Variants in SYNE1 observed in about 807,000 individuals in gnomAD.
SYNE1 encodes the protein nesprin-1.
In SYNE1, 616 loss-of-function variants were observed where a neutral mutation model predicts 1,111.0. That is an observed-to-expected ratio of 0.55 (90% CI 0.52 to 0.59). SYNE1 has a LOEUF of 0.59. Ranked by LOEUF, SYNE1 falls within the 20% of genes least tolerant of loss-of-function variation. SYNE1 has a pLI of 0.00. For synonymous variants in SYNE1, 3,855 were observed against 3,825.8 expected (o/e 1.01, Z -0.28); for missense variants, 10,006 against 10,417.0 (o/e 0.96, Z 1.72).
chr6:152,461,743 G>A lies in SYNE1; in HGVS notation c.2251-3C>T. Reference sequence around the variant, plus strand: ...ACAGGCACCCTCTGCTCAATATCCTGCATGAATCATTGAAACAGCCAGATT... The same window carrying A: ...ACAGGCACCCTCTGCTCAATATCCTACATGAATCATTGAAACAGCCAGATT... On this transcript the variant is annotated splice_region_variant and splice_polypyrimidine_tract_variant and intron_variant, in intron 20 of 145. Coordinates refer to ENST00000367255, the MANE Select transcript of SYNE1 (RefSeq NM_182961.4). 1 of 1,613,786 alleles carries A rather than the reference G, an allele frequency of 6.2e-7. No homozygotes were observed. Among genetic ancestry groups the A allele is most frequent in the East Asian group, 2.2e-5 (1 of 44,870 alleles).
chr6:152,418,552 T>A (rs1008861949), intron 40 of SYNE1, among the ~76,000 whole-genome samples: 1 of 152,358 alleles, frequency 6.6e-6, no homozygotes, highest in East Asian at 1.9e-4. Flanking sequence ...AATATCGGAA[T>A]TTTTGAATGT....
At chr6:152,465,760 AACACATAC>A (rs923336124) in intron 17 of SYNE1, among the ~76,000 whole-genome samples, 45 of 133,312 alleles carry the variant, frequency 3.4e-4, no homozygotes, top group Middle Eastern at 3.8e-3. Flanking sequence ...CTCTTAGAAG[AACACATAC>A]ACACACACAC....
At chr6:152,256,596 T>C in intron 102 of SYNE1, 38 bp downstream of exon 102, 2 of 1,612,108 alleles carry the variant, frequency 1.2e-6, no homozygotes, top group African/African-American at 1.3e-5. Context: ...ACAAGACTCT[T>C]ATAAACCAAG....
At chr6:152,166,066 G>A (rs778197237) in intron 130 of SYNE1, among the ~76,000 whole-genome samples, 8 of 152,152 alleles carry the variant, frequency 5.3e-5, no homozygotes, top group South Asian at 4.1e-4. Context: ...TTCAGATTTC[G>A]TAGGATCTGA....
At position 152,236,924 on chromosome 6, in the gene SYNE1, G is replaced by T. The variant is rs1177569963; in HGVS notation, c.20092C>A (p.Gln6698Lys). The change falls in exon 109 of 146, where the codon CAG becomes AAG. Residue 6698 changes from glutamine (Q) to lysine (K), a missense_variant. Around this residue, in one of 7 missense-constraint regions of SYNE1, gnomAD observed 2,182 missense variants for 2,287.8 expected, o/e 0.95. Coordinates refer to ENST00000367255, the MANE Select transcript of SYNE1 (RefSeq NM_182961.4). ...LETWSHLDED[Q>K]QELSRQLEVV... ...TCCAGCTGTCTGCTGAGCTCCTGCT[G>T]GTCCTCATCCAGATGGGACCACGTC... The T allele has an allele frequency of 3.1e-6, 5 of 1,614,056 alleles. No homozygotes were observed. The highest frequency in any genetic ancestry group is 3.4e-6 in the Non-Finnish European group (4 of 1,180,002).
intron 91 of SYNE1, 91 bp downstream of exon 91, chr6:152,308,398 G>A (rs761393141): frequency 6.8e-5 from 107 of 1,579,262 alleles, no homozygotes; most frequent in Admixed American, 8.4e-5. Flanking sequence ...CAGGACAGGG[G>A]AAACTGTTCT....
At position 152,549,341 on chromosome 6, in the gene SYNE1, C is replaced by T. The variant is rs542338196; in HGVS notation, c.68-9320G>A. On this transcript the variant is annotated intron_variant, in intron 3 of 145. Transcript: ENST00000367255. ...TATTTAACTGAACTAACCAGCAAAT[C>T]CACATACTGTGAGAAAGCATGAATT... 3.3e-5 allele frequency among the ~76,000 whole-genome samples: 5 copies of T among 152,336 alleles called. No individual in the cohort carries two copies. The South Asian group carries it at 1.0e-3, about 32-fold the overall frequency.
intron 5 of SYNE1, among the ~76,000 whole-genome samples, chr6:152,524,403 A>T (rs1450787394): frequency 6.6e-6 from 1 of 152,154 alleles, no homozygotes; most frequent in East Asian, 1.9e-4. Flanking sequence ...AACTTCTTGA[A>T]TACCTACATG....
At chr6:152,354,572 G>A in intron 67 of SYNE1, 87 bp downstream of exon 67, 2 of 1,540,618 alleles carry the variant, frequency 1.3e-6, no homozygotes, top group Admixed American at 1.7e-5. Context: ...CTAAGCTTTG[G>A]ATAAAAGTTA....
At chr6:152,423,518 T>C (rs1004084924) in intron 39 of SYNE1, among the ~76,000 whole-genome samples, 6 of 152,182 alleles carry the variant, frequency 3.9e-5, no homozygotes, top group African/African-American at 1.4e-4. Context: ...GGTCTAAACC[T>C]CTTCAGTTCT....
chr6:152,589,225 C>T (rs1583007130), intron 3 of SYNE1, among the ~76,000 whole-genome samples: 1 of 152,070 alleles, frequency 6.6e-6, no homozygotes, highest in Non-Finnish European at 1.5e-5. Flanking sequence ...TATTCTAATC[C>T]TTCCTTTTAG....
intron 112 of SYNE1, 26 bp downstream of exon 112, chr6:152,233,755 T>C: frequency 6.2e-7 from 1 of 1,613,980 alleles, no homozygotes; most frequent in Non-Finnish European, 8.5e-7. Context: ...GTCAGCTATT[T>C]CCCACGAAAG....
chr6:152,244,465 A>C (rs1385942920), intron 106 of SYNE1, 72 bp downstream of exon 106: 3 of 1,610,910 alleles, frequency 1.9e-6, no homozygotes, highest in Admixed American at 3.3e-5. Flanking sequence ...GCCAAGAAAA[A>C]TAAAGTGATT....
At position 152,387,099 on chromosome 6, in the gene SYNE1, C is replaced by T; in HGVS notation, c.8460G>A (p.Gln2820=). The change falls in exon 54 of 146, where the codon CAG becomes CAA. Residue 2820 remains glutamine (Q), a synonymous_variant. Coordinates refer to ENST00000367255, the MANE Select transcript of SYNE1 (RefSeq NM_182961.4). Reference sequence around the variant, plus strand: ...TGGCAACAGTCATTATATCATTAAACTGTGTTTTCAGCTCCTCTTGAGCTG... The same window carrying T: ...TGGCAACAGTCATTATATCATTAAATTGTGTTTTCAGCTCCTCTTGAGCTG... The part of the protein sequence containing the change: ...KDTAQEELKT[Q]FNDIMTVAKE... 1 of 1,614,050 alleles carries T rather than the reference C, an allele frequency of 6.2e-7. No individual in the cohort carries two copies. The highest frequency in any genetic ancestry group is 1.1e-5 in the South Asian group (1 of 91,074).
chr6:152,329,990 A>G lies in SYNE1; in HGVS notation c.14695T>C (p.Trp4899Arg), dbSNP rs753891807. 1.9e-6 allele frequency: 3 copies of G among 1,614,200 alleles called. No homozygotes were observed. Among genetic ancestry groups the G allele is most frequent in the Non-Finnish European group, 2.5e-6 (3 of 1,180,050 alleles). ...AGCTCTGCCTTCACTCTCCTCAGCC[A>G]GTCCAGGGAGCGACTCATCTCAGTC... Reference protein sequence around the residue: ...FQTEMSRSLDWLRRVKAELSG... With the variant: ...FQTEMSRSLDRLRRVKAELSG... Residue 4899 changes from tryptophan to arginine, a missense_variant, in exon 78 of 146, where the codon TGG becomes CGG. Physicochemically the swap from Trp to Arg is moderately radical, Grantham distance 101. This residue lies in a region of SYNE1 where 4,955 missense variants were observed against 5,017.2 expected (regional missense o/e 0.99). Transcript: ENST00000367255.
intron 73 of SYNE1, 36 bp from the exon 74 acceptor site, chr6:152,344,263 T>G (rs773519615): frequency 6.2e-7 from 1 of 1,613,836 alleles, no homozygotes; most frequent in Non-Finnish European, 8.5e-7. Flanking sequence ...TTATGAGAAC[T>G]GCTTTCTACC....
chr6:152,171,771 A>G (rs1392050247), intron 130 of SYNE1, among the ~76,000 whole-genome samples: 3 of 152,172 alleles, frequency 2.0e-5, no homozygotes, highest in South Asian at 4.1e-4. Context: ...CTGTTTTGGT[A>G]AACAAAATTT....
Position 152,213,778 on chromosome 6 carries a change from A to G in SYNE1, c.22347-19T>C. On this transcript the variant is annotated intron_variant, in intron 122 of 145. Coordinates refer to ENST00000367255, the MANE Select transcript of SYNE1 (RefSeq NM_182961.4). ...CAACTTGCTGAAAGAACAAAGGGCA[A>G]GGAACAATGGTTATTTCACTGCTTA... The G allele has an allele frequency of 6.2e-7, 1 of 1,614,006 alleles. No homozygotes were observed. Among genetic ancestry groups the G allele is most frequent in the Non-Finnish European group, 8.5e-7 (1 of 1,179,942 alleles).
chr6:152,486,218 A>C (rs973226861), intron 12 of SYNE1, among the ~76,000 whole-genome samples: 2 of 151,028 alleles, frequency 1.3e-5, no homozygotes, highest in Non-Finnish European at 1.5e-5. Context: ...ATTAAAAAAA[A>C]CAACAAAAAA....
Sources: allele counts gnomAD v4.1 joint callset (sites outside exome capture counted in the v4.1 genomes callset), GRCh38; gene constraint gnomAD v4.1.1; regional missense constraint gnomAD v4.1.1; transcripts MANE v1.5; gene names NCBI Gene and HGNC (gene_info 2026-07-23, HGNC 2026-07-21).